The following MTCL2 variants were observed in gnomAD, a reference collection of about 807,000 sequenced individuals.
MTCL2 encodes the protein microtubule cross-linking factor 2.
chr20:36,833,870 C>G, the MTCL2 span, among the ~76,000 whole-genome samples: 16 of 147,022 alleles, frequency 1.1e-4, no homozygotes, highest in South Asian at 2.2e-4. Flanking sequence ...AAGAAAGAAA[C>G]AAAGAAACAA....
At chr20:36,803,646 G>A in the MTCL2 span, among the ~76,000 whole-genome samples, 1 of 151,972 alleles carries the variant, frequency 6.6e-6, no homozygotes, top group African/African-American at 2.4e-5. Flanking sequence ...CCAGGAGACT[G>A]TGAGCAGTGG....
the MTCL2 span, among the ~76,000 whole-genome samples, chr20:36,861,795 T>C: frequency 6.6e-6 from 1 of 152,144 alleles, no homozygotes; most frequent in East Asian, 1.9e-4. Context: ...AGCGTGCAGA[T>C]GGAGCCCGGC....
the MTCL2 span, among the ~76,000 whole-genome samples, chr20:36,856,184 A>G: frequency 2.6e-5 from 4 of 152,126 alleles, no homozygotes; most frequent in Non-Finnish European, 5.9e-5. Context: ...ACTTAATTGT[A>G]CACATATTTA....
chr20:36,804,664 A>G, the MTCL2 span: 1 of 1,572,242 alleles, frequency 6.4e-7, no homozygotes. Flanking sequence ...TTGGTATTCT[A>G]CTCCCAGATC....
At chr20:36,811,611 C>G in the MTCL2 span, among the ~76,000 whole-genome samples, 26 of 149,164 alleles carry the variant, frequency 1.7e-4, no homozygotes, top group East Asian at 4.9e-3. Context: ...GACTGGGCAA[C>G]AGAGCGAGAC....
the MTCL2 span, among the ~76,000 whole-genome samples, chr20:36,835,050 T>C: frequency 6.6e-6 from 1 of 151,940 alleles, no homozygotes; most frequent in African/African-American, 2.4e-5. Context: ...CCAGACCTAG[T>C]ATTTAATACT....
At chr20:36,803,127 A>G in the MTCL2 span, 1 of 1,581,362 alleles carries the variant, frequency 6.3e-7, no homozygotes, top group Non-Finnish European at 8.6e-7. Context: ...GAAGCAGACT[A>G]AGCAGCTGGC....
chr20:36,857,836 C>T, the MTCL2 span, among the ~76,000 whole-genome samples: 1 of 152,166 alleles, frequency 6.6e-6, no homozygotes, highest in Non-Finnish European at 1.5e-5. Context: ...GATAAGGGAT[C>T]GGCAATGACT....
chr20:36,792,835 T>G, the MTCL2 span, among the ~76,000 whole-genome samples: 3,532 of 149,088 alleles, frequency 0.024, 52 homozygotes, highest in Middle Eastern at 0.052. Flanking sequence ...TATATAGATA[T>G]ATAGATAGAT....
chr20:36,851,203 T>C, the MTCL2 span, among the ~76,000 whole-genome samples: 710 of 152,320 alleles, frequency 4.7e-3, 3 homozygotes, highest in African/African-American at 0.016. Context: ...CAGTATATTG[T>C]ATATATTTGT....
At chr20:36,850,404 G>C in the MTCL2 span, among the ~76,000 whole-genome samples, 3 of 152,130 alleles carry the variant, frequency 2.0e-5, no homozygotes, top group Non-Finnish European at 2.9e-5. Flanking sequence ...GTGCACGCCT[G>C]TAATCCCAGC....
the MTCL2 span, among the ~76,000 whole-genome samples, chr20:36,848,132 G>C: frequency 6.6e-6 from 1 of 152,228 alleles, no homozygotes; most frequent in Non-Finnish European, 1.5e-5. Flanking sequence ...CTAGGTGACA[G>C]AGTGAGACCC....
the MTCL2 span, chr20:36,839,211 G>A: frequency 3.2e-6 from 5 of 1,587,292 alleles, no homozygotes; most frequent in East Asian, 2.2e-5. This position sits in a 1 kb window ranked among gnomAD's most constrained non-coding sequence, Gnocchi z 5.1. Context: ...CCGAGCCCAG[G>A]CTGACCTTGA....
the MTCL2 span, among the ~76,000 whole-genome samples, chr20:36,812,346 T>C: frequency 6.6e-6 from 1 of 152,168 alleles, no homozygotes; most frequent in African/African-American, 2.4e-5. Context: ...ACAGCCAGAA[T>C]AGAGTGGATC....
the MTCL2 span, chr20:36,815,611 T>A: frequency 6.3e-7 from 1 of 1,597,980 alleles, no homozygotes; most frequent in Non-Finnish European, 8.5e-7. The surrounding 1 kb of genome is among the most constrained non-coding windows in gnomAD (Gnocchi z 5.3). Flanking sequence ...GGCCGCGTAC[T>A]CTGGCAGGAG....
At chr20:36,803,357 T>C in the MTCL2 span, among the ~76,000 whole-genome samples, 83 of 152,332 alleles carry the variant, frequency 5.4e-4, 1 homozygote, top group Admixed American at 4.6e-4. Context: ...GATGTCAGTA[T>C]CCTCATAAAA....
chr20:36,854,956 G>A, the MTCL2 span, among the ~76,000 whole-genome samples: 5 of 152,150 alleles, frequency 3.3e-5, no homozygotes, highest in Admixed American at 1.3e-4. Flanking sequence ...AGGGATATAC[G>A]TTTGGGGGTG....
the MTCL2 span, among the ~76,000 whole-genome samples, chr20:36,825,033 G>A: frequency 3.3e-5 from 5 of 151,190 alleles, no homozygotes; most frequent in Non-Finnish European, 7.4e-5. Context: ...TCCAGCTCCC[G>A]GGTTCAAGCA....
the MTCL2 span, among the ~76,000 whole-genome samples, chr20:36,787,983 C>T: frequency 1.4e-5 from 2 of 142,020 alleles, no homozygotes; most frequent in East Asian, 2.2e-4. Context: ...GGTGGATCAC[C>T]TGAGGTCAGG....
Sources: allele counts gnomAD v4.1 joint callset (sites outside exome capture counted in the v4.1 genomes callset), GRCh38; gene constraint gnomAD v4.1.1; non-coding constraint Gnocchi (gnomAD v3.1); transcripts MANE v1.5; gene names NCBI Gene and HGNC (gene_info 2026-07-23, HGNC 2026-07-21).